The following RSPH14 variants were observed in gnomAD, a reference collection of about 807,000 sequenced individuals.
RSPH14 encodes rhabdoid tumor deletion region gene 1.
A neutral mutation model predicts 26.7 loss-of-function variants in RSPH14; 20 were observed. The observed-to-expected ratio is 0.75, with a 90% CI of 0.53 to 1.09. RSPH14 has a LOEUF of 1.09. Among genes scored for constraint, RSPH14 ranks in the 50% least tolerant of loss-of-function variants. RSPH14 has a pLI of 0.00. For missense variants in RSPH14, 449 were observed against 457.2 expected (o/e 0.98, Z 0.16); for synonymous variants, 177 against 189.3 (o/e 0.93, Z 0.53).
intron 4 of RSPH14, among the ~76,000 whole-genome samples, chr22:23,082,455 G>A (rs1265764169): frequency 2.0e-5 from 3 of 149,674 alleles, no homozygotes; most frequent in Admixed American, 1.3e-4. Context: ...AACTGACTTC[G>A]TGATCCACCT....
chr22:23,070,289 G>T (rs1277704127), intron 4 of RSPH14: 4 of 146,240 alleles, frequency 2.7e-5, no homozygotes, highest in African/African-American at 9.8e-5. Context: ...CTGGCAACGG[G>T]CTGCGCTCGC....
At chr22:23,160,414 C>T in the RSPH14 span, among the ~76,000 whole-genome samples, 1 of 152,222 alleles carries the variant, frequency 6.6e-6, no homozygotes, top group Admixed American at 6.5e-5. Flanking sequence ...TGGGCAGCCA[C>T]CTCTACCTGG....
At chr22:23,158,069 C>A in the RSPH14 span, 11 of 1,613,486 alleles carry the variant, frequency 6.8e-6, no homozygotes, top group Non-Finnish European at 9.3e-6. Context: ...CTGGCCCCTG[C>A]AGTCTCCCTG....
At chr22:23,082,307 C>T (rs1486223036) in intron 4 of RSPH14, among the ~76,000 whole-genome samples, 1 of 151,380 alleles carries the variant, frequency 6.6e-6, no homozygotes, top group Non-Finnish European at 1.5e-5. Context: ...ACCTCCGCCT[C>T]CCAGGTTCAA....
chr22:23,070,280 T>C (rs1310346117), intron 4 of RSPH14: 1 of 145,916 alleles, frequency 6.9e-6, no homozygotes, highest in South Asian at 2.1e-4. Flanking sequence ...GCGGTTGGCC[T>C]GGCAACGGGC....
At chr22:23,170,841 ATATAC>A in the RSPH14 span, among the ~76,000 whole-genome samples, 1 of 130,056 alleles carries the variant, frequency 7.7e-6, no homozygotes, top group African/African-American at 2.9e-5. Flanking sequence ...ATATATATAT[ATATAC>A]CTACATATTT....
chr22:23,095,681 C>T (rs770127261), intron 4 of RSPH14: 6 of 1,590,348 alleles, frequency 3.8e-6, no homozygotes, highest in East Asian at 2.2e-5. Context: ...TGTCTGGGCC[C>T]GCTGCTGCCA....
intron 4 of RSPH14, chr22:23,095,873 G>A (rs771539649): frequency 1.2e-6 from 2 of 1,613,716 alleles, no homozygotes; most frequent in Non-Finnish European, 1.7e-6. Context: ...CCACAGCGGC[G>A]GCTTCAACCT....
At chr22:23,153,534 G>T in the RSPH14 span, 3 of 981,174 alleles carry the variant, frequency 3.1e-6, no homozygotes, top group Non-Finnish European at 3.6e-6. Flanking sequence ...CCTGTAAAAT[G>T]GGGTCAAATC....
the RSPH14 span, among the ~76,000 whole-genome samples, chr22:23,171,495 AT>A: frequency 6.6e-6 from 1 of 152,278 alleles, no homozygotes; most frequent in African/African-American, 2.4e-5. Flanking sequence ...CAACATACAA[AT>A]TTTGGGGGAC....
intron 4 of RSPH14, among the ~76,000 whole-genome samples, chr22:23,099,284 T>C (rs1298337794): frequency 6.6e-6 from 1 of 152,248 alleles, no homozygotes; most frequent in Non-Finnish European, 1.5e-5. Context: ...CGGGTGTCTG[T>C]GGAGCATGGC....
At chr22:23,117,494 TG>T (rs764803223) in intron 4 of RSPH14, among the ~76,000 whole-genome samples, 1 of 152,326 alleles carries the variant, frequency 6.6e-6, no homozygotes, top group South Asian at 2.1e-4. Context: ...GCCCTGCATT[TG>T]GGTAGCCTTC....
the RSPH14 span, chr22:23,159,346 C>T: frequency 1.6e-6 from 2 of 1,246,754 alleles, no homozygotes; most frequent in African/African-American, 1.5e-5. Flanking sequence ...CCTCTGTAGC[C>T]AGTCGTCTGT....
At chr22:23,074,146 C>T (rs1352636070) in intron 4 of RSPH14, among the ~76,000 whole-genome samples, 1 of 152,112 alleles carries the variant, frequency 6.6e-6, no homozygotes, top group Non-Finnish European at 1.5e-5. Flanking sequence ...AAGACCTTGG[C>T]AGGGTTGGAG....
chr22:23,096,088 C>A, intron 4 of RSPH14: 1 of 1,609,706 alleles, frequency 6.2e-7, no homozygotes, highest in South Asian at 1.1e-5. Context: ...TGCGACGGCT[C>A]TGGGCCGACC....
At chr22:23,137,958 C>T in intron 3 of RSPH14, 1 of 153,284 alleles carries the variant, frequency 6.5e-6, no homozygotes, top group Non-Finnish European at 1.5e-5. Flanking sequence ...CACCCTCACC[C>T]TGTTGCCCCA....
the RSPH14 span, chr22:23,163,147 G>A: frequency 5.8e-6 from 1 of 171,908 alleles, no homozygotes; most frequent in Non-Finnish European, 1.2e-5. Flanking sequence ...CTGATCTCAG[G>A]TGACCTGCCC....
intron 4 of RSPH14, among the ~76,000 whole-genome samples, chr22:23,066,711 G>A (rs990144254): frequency 7.2e-5 from 11 of 152,124 alleles, no homozygotes; most frequent in African/African-American, 2.2e-4. Flanking sequence ...GGAAACAATC[G>A]GGGAAATCCA....
Position 23,119,174 on chromosome 22 carries a change from C to A in RSPH14, c.421+14852G>T, listed in dbSNP as rs115858376. On this transcript the variant is annotated intron_variant, in intron 4 of 6. Transcript: ENST00000216036. ...ATGCCGCTTTGCCCACCTGTCTGCACTCCAGGCTGCAAGAGTGCAGGCACC... is the reference window on the plus strand; with the variant it reads ...ATGCCGCTTTGCCCACCTGTCTGCAATCCAGGCTGCAAGAGTGCAGGCACC... Among the ~76,000 whole-genome samples, 371 of 152,356 alleles carry A rather than the reference C, an allele frequency of 2.4e-3. 2 individuals carry two copies. Among genetic ancestry groups the A allele is most frequent in the African/African-American group, 8.6e-3 (358 of 41,582 alleles).
Sources: allele counts gnomAD v4.1 joint callset (sites outside exome capture counted in the v4.1 genomes callset), GRCh38; gene constraint gnomAD v4.1.1; transcripts MANE v1.5; gene names NCBI Gene and HGNC (gene_info 2026-07-23, HGNC 2026-07-21).